The following VPS35L variants were observed in gnomAD, a reference collection of about 807,000 sequenced individuals.
VPS35L encodes the protein VPS35 endosomal protein-sorting factor-like.
A neutral mutation model predicts 133.0 loss-of-function variants in VPS35L; 83 were observed. That is an observed-to-expected ratio of 0.62 (90% confidence interval 0.52 to 0.75). The LOEUF is 0.75. VPS35L is among the 30% of genes least tolerant of loss of function. The pLI is 0.00. For synonymous variants in VPS35L, 423 were observed against 449.9 expected (o/e 0.94, Z 0.76); for missense variants, 1,083 against 1,206.8 (o/e 0.90, Z 1.52).
intron 9 of VPS35L, 50 bp downstream of exon 9, chr16:19,601,773 T>A (rs1972392078): frequency 5.1e-6 from 8 of 1,574,476 alleles, no homozygotes; most frequent in Non-Finnish European, 7.0e-6. Context: ...GAGTCAGGAC[T>A]AGAAGGCTTT....
At chr16:19,642,358 G>A in intron 21 of VPS35L, 38 bp from the exon 22 acceptor site, 1 of 1,573,392 alleles carries the variant, frequency 6.4e-7, no homozygotes, top group Admixed American at 1.7e-5. Context: ...TGCTGTCAGT[G>A]GACAAAACTT....
chr16:19,592,580 G>A (rs1972078280), intron 8 of VPS35L, among the ~76,000 whole-genome samples: 1 of 151,962 alleles, frequency 6.6e-6, no homozygotes, highest in South Asian at 2.1e-4. Context: ...CCTGAGCTGG[G>A]AATCTGAGCA....
intron 28 of VPS35L, among the ~76,000 whole-genome samples, chr16:19,690,359 C>CA (rs1252823924): frequency 6.6e-6 from 1 of 152,194 alleles, no homozygotes; most frequent in Non-Finnish European, 1.5e-5. Flanking sequence ...AGGAGGAACT[C>CA]AGACTCAGGC....
At chr16:19,636,394 G>GA (rs377079509) in intron 19 of VPS35L, among the ~76,000 whole-genome samples, 2 of 151,992 alleles carry the variant, frequency 1.3e-5, no homozygotes, top group African/African-American at 4.8e-5. Context: ...ATATTAAGGG[G>GA]AAAAAAATCC....
rs569906263 is a variant in VPS35L at position 19,700,609 on chromosome 16, A to C, written c.*133A>C. 4 of 732,216 alleles carry C rather than the reference A, an allele frequency of 5.5e-6. No homozygotes were observed. In the East Asian group the frequency reaches 8.1e-5, roughly 15 times the overall value. The allele number at this position is 732,216 out of a possible 1,614,324, so 45.4% of individuals were successfully genotyped here. A position where few individuals can be genotyped will look rare whatever the true frequency, so the allele number is the denominator to read the frequency against. On this transcript the variant is annotated 3_prime_UTR_variant, in exon 31 of 31. Coordinates refer to ENST00000417362, the MANE Select transcript of VPS35L (RefSeq NM_020314.7). ...TTTTACATATGTACAAATTGTTTTAAGCTTTGGCCTCTATCCAGGTTATTC... is the reference window on the plus strand; with the variant it reads ...TTTTACATATGTACAAATTGTTTTACGCTTTGGCCTCTATCCAGGTTATTC...
At chr16:19,681,424 C>T (rs1003031614) in intron 27 of VPS35L, among the ~76,000 whole-genome samples, 1 of 152,178 alleles carries the variant, frequency 6.6e-6, no homozygotes, top group East Asian at 1.9e-4. Context: ...TGCTGTTCTC[C>T]CCACCTTAAT....
At chr16:19,685,911 TC>T (rs1442820949) in intron 28 of VPS35L, among the ~76,000 whole-genome samples, 1 of 151,472 alleles carries the variant, frequency 6.6e-6, no homozygotes, top group East Asian at 1.9e-4. Flanking sequence ...CTCCTTCCTC[TC>T]CCTCCTCTCC....
chr16:19,691,305 A>G (rs1975671877), intron 28 of VPS35L, 48 bp from the exon 29 acceptor site: 1 of 1,501,772 alleles, frequency 6.7e-7, no homozygotes, highest in South Asian at 1.1e-5. Context: ...CCTGGCCAGC[A>G]TGGCCGCGGG....
chr16:19,651,446 C>T (rs759715705), intron 25 of VPS35L, among the ~76,000 whole-genome samples: 4 of 152,040 alleles, frequency 2.6e-5, no homozygotes, highest in Non-Finnish European at 5.9e-5. Context: ...CTCAAGTGAT[C>T]CTCCTGCCTC....
chr16:19,570,834 C>CATATATATATATAT (rs58794831), intron 3 of VPS35L, among the ~76,000 whole-genome samples: 25 of 78,786 alleles, frequency 3.2e-4, no homozygotes, highest in South Asian at 6.2e-4. Flanking sequence ...TGCTGTGTTT[C>CATATATATATATAT]ATATATATAT....
At chr16:19,614,871 TATG>T (rs1196247971) in intron 12 of VPS35L, among the ~76,000 whole-genome samples, 1 of 152,244 alleles carries the variant, frequency 6.6e-6, no homozygotes, top group Non-Finnish European at 1.5e-5. Context: ...GCACCTTCTC[TATG>T]ATTAGTAAAT....
intron 1 of VPS35L, among the ~76,000 whole-genome samples, chr16:19,560,115 TATAG>T (rs1326336078): frequency 6.6e-6 from 1 of 152,236 alleles, no homozygotes; most frequent in African/African-American, 2.4e-5. Flanking sequence ...CAACATGACT[TATAG>T]ATAATCTATG....
intron 27 of VPS35L, among the ~76,000 whole-genome samples, chr16:19,677,373 C>T (rs963969181): frequency 8.5e-5 from 13 of 152,064 alleles, no homozygotes; most frequent in Non-Finnish European, 1.2e-4. Context: ...GTGAGCCATG[C>T]GTCCAGCAAG....
At chr16:19,618,397 A>G (rs1372941647) in intron 14 of VPS35L, among the ~76,000 whole-genome samples, 1 of 152,254 alleles carries the variant, frequency 6.6e-6, no homozygotes, top group African/African-American at 2.4e-5. Flanking sequence ...AATTGGAGGC[A>G]AGCATCAGAG....
chr16:19,663,031 C>T (rs1003076342), intron 26 of VPS35L, among the ~76,000 whole-genome samples: 5 of 151,886 alleles, frequency 3.3e-5, no homozygotes, highest in East Asian at 1.9e-4. Flanking sequence ...AATAATAGGC[C>T]GGGCACAGTG....
intron 26 of VPS35L, among the ~76,000 whole-genome samples, chr16:19,667,277 A>C (rs1372543219): frequency 6.6e-6 from 1 of 152,032 alleles, no homozygotes; most frequent in Admixed American, 6.6e-5. Context: ...ATGTCTTACT[A>C]GTGGTCACAA....
intron 29 of VPS35L, among the ~76,000 whole-genome samples, chr16:19,696,986 G>C (rs1164022504): frequency 6.6e-6 from 1 of 152,228 alleles, no homozygotes; most frequent in Admixed American, 6.5e-5. Context: ...CAGGTTAAAA[G>C]GAGAGCAGGA....
intron 25 of VPS35L, among the ~76,000 whole-genome samples, chr16:19,651,271 A>G (rs1370637078): frequency 2.1e-5 from 3 of 146,094 alleles, no homozygotes; most frequent in African/African-American, 7.6e-5. Flanking sequence ...TTAGCTATTC[A>G]TTCATTTATT....
In VPS35L at chr16:19,565,199, C is replaced by A. The variant is rs1445351201; in HGVS notation, c.117+249C>A. Among the ~76,000 whole-genome samples, 5 of 147,386 alleles carry A rather than the reference C, an allele frequency of 3.4e-5. No homozygotes were observed. The East Asian group carries it at 8.3e-4, about 24-fold the overall frequency. On this transcript the variant is annotated intron_variant, in intron 2 of 30. Coordinates refer to ENST00000417362, the MANE Select transcript of VPS35L (RefSeq NM_020314.7). ...TCCCGAGTAGCTGGGGCTATAGGCA[C>A]ACGCCACCATGCCTGGCTAAGTTTT...
Sources: gnomAD v4.1 joint callset for allele counts (sites outside exome capture counted in the v4.1 genomes callset) on GRCh38, gnomAD v4.1.1 for gene constraint, MANE v1.5 for transcripts, NCBI Gene and HGNC (gene_info 2026-07-23, HGNC 2026-07-21) for gene names.